BRD4: variants seen among roughly 807,000 people sequenced by gnomAD.
The protein encoded by BRD4 is bromodomain-containing protein 4.
Under a neutral mutation model 142.1 loss-of-function variants are expected in BRD4, and 16 were observed. The observed-to-expected ratio is 0.11, with a 90% confidence interval of 0.08 to 0.17. The LOEUF is 0.17. BRD4 is among the 10% of genes least tolerant of loss of function. The pLI, the probability that BRD4 is intolerant of heterozygous loss-of-function variation, is 1.00. For missense variants in BRD4, 1,424 were observed against 1,810.9 expected (o/e 0.79, Z 3.88); for synonymous variants, 833 against 707.5 (o/e 1.18, Z -2.82).
rs1327362623 is a variant in BRD4, at chr19:15,239,443, A to G, written c.3525T>C (p.Pro1175=). The part of the protein sequence containing the change: ...PEQNAPPPGA[P]DKDKQKQEPK... The stretch of plus-strand genomic sequence containing the variant: ...GCTCCTGTTTCTGTTTGTCCTTGTC[A>G]GGGGCCCCTGGTGGCGGTGCGTTCT... Residue 1175 remains proline, a synonymous_variant, in exon 17 of 20, where the codon CCT becomes CCC. Coordinates refer to ENST00000679869, the MANE Select transcript of BRD4 (RefSeq NM_001379291.1). This position sits in a 1 kb window ranked among gnomAD's most constrained non-coding sequence, Gnocchi z 7.4. The G allele has an allele frequency of 6.2e-7, 1 of 1,613,932 alleles. No individual in the cohort carries two copies. The highest frequency in any genetic ancestry group is 1.3e-5 in the African/African-American group (1 of 74,878).
intron 1 of BRD4, among the ~76,000 whole-genome samples, chr19:15,311,448 G>A (rs933344296): frequency 2.6e-5 from 4 of 152,114 alleles, no homozygotes; most frequent in African/African-American, 7.2e-5. Flanking sequence ...TGGACCTGGA[G>A]AACAGGTTAT....
chr19:15,325,724 T>G (rs2048101651), intron 1 of BRD4, among the ~76,000 whole-genome samples: 1 of 151,994 alleles, frequency 6.6e-6, no homozygotes, highest in South Asian at 2.1e-4. Flanking sequence ...AAACACCAGA[T>G]GAAGTGGCTC....
chr19:15,302,628 C>T (rs2047878952), intron 1 of BRD4, among the ~76,000 whole-genome samples: 1 of 129,204 alleles, frequency 7.7e-6, no homozygotes. Flanking sequence ...GAGATCGTGC[C>T]ACTGCACTCC....
At chr19:15,327,194 A>G (rs1358023477) in intron 1 of BRD4, among the ~76,000 whole-genome samples, 1 of 152,216 alleles carries the variant, frequency 6.6e-6, no homozygotes, top group Non-Finnish European at 1.5e-5. Flanking sequence ...AAACATAGAT[A>G]TATGACCCAG....
At chr19:15,284,265 G>C (rs538566902) in intron 1 of BRD4, among the ~76,000 whole-genome samples, 1 of 152,294 alleles carries the variant, frequency 6.6e-6, no homozygotes, top group East Asian at 1.9e-4. Flanking sequence ...AATCTATGGG[G>C]ATCAGGAGGA....
rs184930091 is a variant in BRD4 at position 15,296,916 on chromosome 19, C to T, written c.-34-23783G>A. Among the ~76,000 whole-genome samples, 641 of 147,658 alleles carry T rather than the reference C, an allele frequency of 4.3e-3. 14 individuals are homozygous for T. The highest frequency in any genetic ancestry group is 0.03 in the Admixed American group (441 of 14,858). On this transcript the variant is annotated intron_variant, in intron 1 of 19. Transcript: ENST00000679869. ...ACCTCTCATGGAGAGTAGGCTCTGA[C>T]GGCAGAAGCCCCCCCCACCAACAGC... is the stretch of plus-strand genomic sequence containing the variant.
intron 11 of BRD4, chr19:15,247,353 G>T (rs2047298062): frequency 1.3e-5 from 3 of 231,880 alleles, no homozygotes; most frequent in South Asian, 3.6e-4. Context: ...CCAACAAGAA[G>T]TGAGTGGGCA....
At chr19:15,256,375 G>T in intron 8 of BRD4, 112 bp from the exon 9 acceptor site, 1 of 1,360,382 alleles carries the variant, frequency 7.4e-7, no homozygotes. Context: ...TGGGGCATCA[G>T]GGTGTGGGCA....
At chr19:15,304,123 A>T (rs1241808775) in intron 1 of BRD4, among the ~76,000 whole-genome samples, 1 of 152,192 alleles carries the variant, frequency 6.6e-6, no homozygotes, top group Non-Finnish European at 1.5e-5. Flanking sequence ...ACTTTTTTAC[A>T]CTTACCACAT....
chr19:15,302,361 T>C (rs540329211), intron 1 of BRD4, among the ~76,000 whole-genome samples: 4 of 152,154 alleles, frequency 2.6e-5, no homozygotes, highest in African/African-American at 9.7e-5. Flanking sequence ...CGAGCTTCCA[T>C]GCTAACCTGG....
rs1352334235 is a variant in BRD4, at chr19:15,309,814, C to T, written c.-35+22476G>A. Among the ~76,000 whole-genome samples, 3 of 152,246 alleles carry T rather than the reference C, an allele frequency of 2.0e-5. No homozygotes were observed. The East Asian group carries it at 5.8e-4, about 29-fold the overall frequency. ...ATTCTGAGGCTCCATGCTGCCCTTC[C>T]AAGGACTGAGGTACTGTACCCAAGA... is the stretch of plus-strand genomic sequence containing the variant. On this transcript the variant is annotated intron_variant, in intron 1 of 19. Transcript: ENST00000679869.
chr19:15,262,123 T>C (rs916411273), intron 7 of BRD4, among the ~76,000 whole-genome samples: 1 of 152,050 alleles, frequency 6.6e-6, no homozygotes, highest in African/African-American at 2.4e-5. Context: ...TACGGGCTGC[T>C]ATGCTGGGGA....
chr19:15,279,781 G>C (rs545451578), intron 1 of BRD4, among the ~76,000 whole-genome samples: 3 of 152,294 alleles, frequency 2.0e-5, no homozygotes, highest in East Asian at 3.9e-4. Flanking sequence ...CAATGGGTTG[G>C]GACCAGCTAT....
At chr19:15,266,265 G>A (rs2047533552) in intron 4 of BRD4, among the ~76,000 whole-genome samples, 1 of 152,208 alleles carries the variant, frequency 6.6e-6, no homozygotes, top group Admixed American at 6.5e-5. Flanking sequence ...GGTGGACCAG[G>A]GTGAGAATGT....
Position 15,238,992 on chromosome 19 carries a change from G to T in BRD4, c.3783-12C>A. ...CGTCCTCTCGGCTCCTGGGCAGAGG[G>T]TCCCAGTCAGCCTGGGGACTGGTGT... On this transcript the variant is annotated splice_polypyrimidine_tract_variant and intron_variant, in intron 18 of 19. Transcript: ENST00000679869. This position sits in a 1 kb window ranked among gnomAD's most constrained non-coding sequence, Gnocchi z 7.2. 6.3e-7 allele frequency: 1 copy of T among 1,579,356 alleles called. No homozygotes were observed.
At chr19:15,328,276 T>C (rs1455593702) in intron 1 of BRD4, among the ~76,000 whole-genome samples, 3 of 152,192 alleles carry the variant, frequency 2.0e-5, no homozygotes, top group Non-Finnish European at 2.9e-5. Context: ...ATGTGTTCAA[T>C]GTTTAAAAAA....
chr19:15,293,893 C>T (rs1278977090), intron 1 of BRD4, among the ~76,000 whole-genome samples: 2 of 152,202 alleles, frequency 1.3e-5, no homozygotes, highest in Non-Finnish European at 2.9e-5. Flanking sequence ...AGTTGAATCA[C>T]AATATTTGCC....
rs2047193203 is a variant in BRD4 at position 15,236,524 on chromosome 19, G to A, written c.*1853C>T. ...AGTGGGGGGACAGGATGGAGTAGGG[G>A]GGACAGGATGGAGTAGGGTGGAGGG... On this transcript the variant is annotated 3_prime_UTR_variant, in exon 20 of 20. Coordinates refer to ENST00000679869, the MANE Select transcript of BRD4 (RefSeq NM_001379291.1). 6.7e-6 allele frequency: 1 copy of A among 150,154 alleles called. No homozygotes were observed. 9.3% of individuals were successfully genotyped at this position (150,154 alleles called of 1,614,324 possible).
Position 15,238,247 on chromosome 19 carries a change from G to C in BRD4, c.*130C>G. 1.4e-6 allele frequency: 2 copies of C among 1,461,716 alleles called. No individual in the cohort carries two copies. Among genetic ancestry groups the C allele is most frequent in the Non-Finnish European group, 1.9e-6 (2 of 1,080,774 alleles). 90.5% of individuals were successfully genotyped at this position (1,461,716 alleles called of 1,614,324 possible). A position where few individuals can be genotyped will look rare whatever the true frequency, so the allele number is the denominator to read the frequency against. On this transcript the variant is annotated 3_prime_UTR_variant, in exon 20 of 20. Coordinates refer to ENST00000679869, the MANE Select transcript of BRD4 (RefSeq NM_001379291.1). The surrounding 1 kb of genome is among the most constrained non-coding windows in gnomAD (Gnocchi z 7.2). Reference sequence around the variant, plus strand: ...CAGCTGCCCGTCAGGCCTGCCCCGGGCATAGCATGCAGGAGGGCCAGGCCC... The same window carrying C: ...CAGCTGCCCGTCAGGCCTGCCCCGGCCATAGCATGCAGGAGGGCCAGGCCC...
Sources: gnomAD v4.1 joint callset for allele counts (sites outside exome capture counted in the v4.1 genomes callset) on GRCh38, gnomAD v4.1.1 for gene constraint, Gnocchi (gnomAD v3.1) non-coding constraint, MANE v1.5 for transcripts, NCBI Gene and HGNC (gene_info 2026-07-23, HGNC 2026-07-21) for gene names.